MTSS1: variants seen among roughly 807,000 people sequenced by gnomAD.
The protein encoded by MTSS1 is protein MTSS 1.
Under a neutral mutation model 79.0 loss-of-function variants are expected in MTSS1, and 18 were observed. The observed-to-expected ratio is 0.23, with a 90% confidence interval of 0.16 to 0.34. The LOEUF is 0.34. Ranked by LOEUF, MTSS1 falls within the 10% of genes least tolerant of loss-of-function variation. The pLI is 1.00. For missense variants in MTSS1, 815 were observed against 986.2 expected (o/e 0.83, Z 2.33); for synonymous variants, 341 against 368.6 (o/e 0.93, Z 0.86).
Position 124,567,136 on chromosome 8 carries a change from T to C in MTSS1, c.661A>G (p.Thr221Ala). 1 of 1,614,200 alleles carries C rather than the reference T, an allele frequency of 6.2e-7. No homozygotes were observed. The highest frequency in any genetic ancestry group is 8.5e-7 in the Non-Finnish European group (1 of 1,179,996). Residue 221 changes from threonine (T) to alanine (A), a missense_variant, in exon 8 of 14, where the codon ACC becomes GCC. By Grantham distance (58) the Thr-to-Ala change is moderately conservative (BLOSUM62 0). Coordinates refer to ENST00000518547, the MANE Select transcript of MTSS1 (RefSeq NM_014751.6). ...SMLGEITHLQ[T>A]ISEDLKSLTM... ...AGGCTTTTTAGATCTTCCGAGATGG[T>C]CTGAAGGTGGGTTATTTCCCCTAGC...
intron 1 of MTSS1, among the ~76,000 whole-genome samples, chr8:124,711,404 A>G (rs1442389361): frequency 6.6e-6 from 1 of 152,208 alleles, no homozygotes; most frequent in Non-Finnish European, 1.5e-5. Context: ...AGGTTGGAGC[A>G]GAGAGCTCCA....
intron 6 of MTSS1, among the ~76,000 whole-genome samples, chr8:124,574,972 GT>G (rs963145338): frequency 5.3e-5 from 8 of 149,652 alleles, no homozygotes; most frequent in East Asian, 3.9e-4. Flanking sequence ...TAATCGGTAG[GT>G]TTTTTTTTTC....
intron 3 of MTSS1, among the ~76,000 whole-genome samples, chr8:124,600,264 T>C (rs1224862279): frequency 6.6e-6 from 1 of 152,220 alleles, no homozygotes; most frequent in Admixed American, 6.5e-5. Flanking sequence ...AAAGTAACTT[T>C]TATTAATATC....
chr8:124,713,671 G>A (rs112465115), intron 1 of MTSS1, among the ~76,000 whole-genome samples: 2,985 of 152,108 alleles, frequency 0.02, 103 homozygotes, highest in African/African-American at 0.067. Context: ...TGATCTGCCC[G>A]CCTCAGCCTC....
chr8:124,644,726 G>A (rs1436163102), intron 3 of MTSS1, among the ~76,000 whole-genome samples: 6 of 152,190 alleles, frequency 3.9e-5, no homozygotes, highest in Non-Finnish European at 7.3e-5. Context: ...GAGGCTGTGA[G>A]CAAAGCCCTG....
chr8:124,629,331 G>A (rs62530674), intron 3 of MTSS1, among the ~76,000 whole-genome samples: 15 of 151,328 alleles, frequency 9.9e-5, no homozygotes, highest in Non-Finnish European at 1.8e-4. Flanking sequence ...TGGCTAACAC[G>A]GTGAAACCCA....
At chr8:124,662,396 A>AT (rs1477910418) in intron 3 of MTSS1, among the ~76,000 whole-genome samples, 1 of 152,174 alleles carries the variant, frequency 6.6e-6, no homozygotes, top group Non-Finnish European at 1.5e-5. Context: ...ATACTTCTGA[A>AT]TAAAAAAAAT....
chr8:124,605,634 G>GCTGCCTCCCTCCCTGCCCTCT (rs1563843180), intron 3 of MTSS1, among the ~76,000 whole-genome samples: 5,387 of 134,358 alleles, frequency 0.04, 238 homozygotes, highest in South Asian at 0.099. Flanking sequence ...CCCTGCCCTC[G>GCTGCCTCCCTCCCTGCCCTCT]CGCTGGGCTC....
chr8:124,558,010 T>C, intron 10 of MTSS1, 135 bp from the exon 11 acceptor site: 1 of 694,130 alleles, frequency 1.4e-6, no homozygotes, highest in Non-Finnish European at 2.3e-6. Flanking sequence ...ACATTGGGGC[T>C]CTGCTGCTCA....
In MTSS1 at chr8:124,717,561, C is replaced by T. The variant is rs924202680; in HGVS notation, c.72+10323G>A. 1.1e-4 allele frequency among the ~76,000 whole-genome samples: 16 copies of T among 148,814 alleles called. No individual in the cohort carries two copies. In the East Asian group the frequency reaches 2.6e-3, roughly 24 times the overall value. The stretch of plus-strand genomic sequence containing the variant: ...AGCGAGCCAAGATTGCACCACTGCA[C>T]ACTCCGGCCTGGGGGACAGATACTC... On this transcript the variant is annotated intron_variant, in intron 1 of 13. Coordinates refer to ENST00000518547, the MANE Select transcript of MTSS1 (RefSeq NM_014751.6).
At chr8:124,569,798 A>G (rs1341930794) in intron 6 of MTSS1, among the ~76,000 whole-genome samples, 1 of 152,212 alleles carries the variant, frequency 6.6e-6, no homozygotes, top group African/African-American at 2.4e-5. Flanking sequence ...TCATGTTTCA[A>G]TGGAGACCAA....
chr8:124,710,952 C>T (rs2135583617), intron 1 of MTSS1, among the ~76,000 whole-genome samples: 1 of 152,258 alleles, frequency 6.6e-6, no homozygotes, highest in East Asian at 1.9e-4. Flanking sequence ...AGTGGGGTTC[C>T]AGCTCAAAGG....
Position 124,551,417 on chromosome 8 carries a change from A to G in MTSS1, c.*1575T>C, listed in dbSNP as rs570234374. 6.5e-6 allele frequency: 1 copy of G among 152,816 alleles called. No homozygotes were observed. Among genetic ancestry groups the G allele is most frequent in the African/African-American group, 2.4e-5 (1 of 41,594 alleles). 9.5% of individuals were successfully genotyped at this position (152,816 alleles called of 1,614,324 possible). On this transcript the variant is annotated 3_prime_UTR_variant, in exon 14 of 14. Transcript: ENST00000518547. The stretch of plus-strand genomic sequence containing the variant: ...CCTTGAGCAATCGCAGCAGTGTTCA[A>G]TGTTAATATATAGAACAATGACCAT...
At chr8:124,685,910 C>T (rs1021395544) in intron 3 of MTSS1, among the ~76,000 whole-genome samples, 23 of 152,140 alleles carry the variant, frequency 1.5e-4, no homozygotes, top group Non-Finnish European at 5.9e-5. Context: ...GGGGTGAAGG[C>T]GGAACGCAAG....
chr8:124,706,658 T>C (rs1051923020), intron 1 of MTSS1, among the ~76,000 whole-genome samples: 17 of 152,258 alleles, frequency 1.1e-4, no homozygotes. Context: ...ACACCTGAGC[T>C]ACTGTCAACC....
chr8:124,651,943 C>T (rs946875511), intron 3 of MTSS1, among the ~76,000 whole-genome samples: 3 of 152,064 alleles, frequency 2.0e-5, no homozygotes, highest in African/African-American at 7.2e-5. Context: ...TCAGAAAGCC[C>T]GGTTGTGTCA....
At chr8:124,649,081 A>T (rs1476147263) in intron 3 of MTSS1, among the ~76,000 whole-genome samples, 4 of 152,258 alleles carry the variant, frequency 2.6e-5, no homozygotes, top group African/African-American at 9.6e-5. Context: ...TTCCATTTAG[A>T]CCAAACCCTA....
intron 3 of MTSS1, among the ~76,000 whole-genome samples, chr8:124,665,276 C>T (rs1440727246): frequency 2.0e-5 from 3 of 152,292 alleles, no homozygotes; most frequent in South Asian, 2.1e-4. Flanking sequence ...TTGCTCAATT[C>T]GATAATCTGT....
intron 3 of MTSS1, among the ~76,000 whole-genome samples, chr8:124,668,202 G>A (rs1823478797): frequency 6.6e-6 from 1 of 152,216 alleles, no homozygotes; most frequent in African/African-American, 2.4e-5. Context: ...CACACGTGTG[G>A]GCTGTAGGAA....
Sources: allele counts gnomAD v4.1 joint callset (sites outside exome capture counted in the v4.1 genomes callset), GRCh38; gene constraint gnomAD v4.1.1; transcripts MANE v1.5; gene names NCBI Gene and HGNC (gene_info 2026-07-23, HGNC 2026-07-21).